The following SEMA3A variants were observed in gnomAD, a reference collection of about 807,000 sequenced individuals.
SEMA3A encodes the protein semaphorin-3A.
In SEMA3A, 29 loss-of-function variants were observed where a neutral mutation model predicts 97.9. The ratio of observed to expected loss-of-function variants is 0.30; its 90% CI spans 0.22 to 0.40. SEMA3A has a LOEUF of 0.40. Among genes scored for constraint, SEMA3A ranks in the 10% least tolerant of loss-of-function variants. The pLI is 1.00. For synonymous variants in SEMA3A, 321 were observed against 323.7 expected (o/e 0.99, Z 0.09); for missense variants, 763 against 951.3 (o/e 0.80, Z 2.60).
intron 1 of SEMA3A, among the ~76,000 whole-genome samples, chr7:84,458,016 C>T (rs1057294440): frequency 6.6e-6 from 1 of 151,978 alleles, no homozygotes; most frequent in African/African-American, 2.4e-5. Flanking sequence ...CTTAGTACTT[C>T]CACTGACCCA....
At chr7:84,130,042 C>A (rs1030941898) in intron 2 of SEMA3A, among the ~76,000 whole-genome samples, 3 of 151,802 alleles carry the variant, frequency 2.0e-5, no homozygotes, top group Admixed American at 6.6e-5. Flanking sequence ...AATATAAAAT[C>A]CCCTGAGCAA....
chr7:84,468,988 A>G lies in SEMA3A; in HGVS notation c.-246+23472T>C, dbSNP rs555270740. On this transcript the variant is annotated intron_variant, in intron 1 of 3. Coordinates refer to the SEMA3A transcript ENST00000424555. ...TTTTTTATTTTATTTCAGGAAAAGT[A>G]AATAAAATGGTGAAAATGTAAAGAA... Among the ~76,000 whole-genome samples, 272 of 152,232 alleles carry G rather than the reference A, an allele frequency of 1.8e-3. 2 individuals carry two copies. The highest frequency in any genetic ancestry group is 1.8e-3 in the Non-Finnish European group (120 of 67,978).
intron 1 of SEMA3A, among the ~76,000 whole-genome samples, chr7:84,439,851 T>C (rs1805230513): frequency 6.6e-6 from 1 of 152,152 alleles, no homozygotes; most frequent in African/African-American, 2.4e-5. Context: ...AAACCAAGAA[T>C]ATATGTATTT....
chr7:84,187,269 T>A (rs966494848), intron 1 of SEMA3A, among the ~76,000 whole-genome samples: 1 of 152,210 alleles, frequency 6.6e-6, no homozygotes, highest in African/African-American at 2.4e-5. Flanking sequence ...AACATTCAGA[T>A]ACAATAAGAC....
chr7:84,014,065 C>A (rs1403570505), intron 7 of SEMA3A, 144 bp downstream of exon 7: 1 of 647,926 alleles, frequency 1.5e-6, no homozygotes, highest in Admixed American at 3.2e-5. Flanking sequence ...CTATAATATT[C>A]AATCATTATT....
chr7:84,221,825 T>C (rs1167455153), intron 3 of SEMA3A, among the ~76,000 whole-genome samples: 3 of 151,908 alleles, frequency 2.0e-5, no homozygotes, highest in Non-Finnish European at 2.9e-5. Flanking sequence ...ATCTAAAAGT[T>C]TGAAATATTG....
intron 1 of SEMA3A, among the ~76,000 whole-genome samples, chr7:84,381,561 A>C (rs1314378332): frequency 6.6e-6 from 1 of 152,134 alleles, no homozygotes; most frequent in African/African-American, 2.4e-5. Flanking sequence ...TTACTAAAGT[A>C]CTCGATTTCT....
chr7:84,133,124 A>C (rs1164730230), intron 2 of SEMA3A, among the ~76,000 whole-genome samples: 1 of 152,212 alleles, frequency 6.6e-6, no homozygotes, highest in Non-Finnish European at 1.5e-5. Context: ...ATAATAGATA[A>C]CAGGCATTTA....
intron 4 of SEMA3A, among the ~76,000 whole-genome samples, chr7:84,081,720 G>A (rs1345802108): frequency 6.6e-6 from 1 of 151,696 alleles, no homozygotes; most frequent in Non-Finnish European, 1.5e-5. Flanking sequence ...ATGGAAATAT[G>A]CAGACATTAA....
intron 3 of SEMA3A, among the ~76,000 whole-genome samples, chr7:84,268,437 A>C (rs150524031): frequency 3.2e-4 from 48 of 152,136 alleles, no homozygotes; most frequent in African/African-American, 1.2e-3. Context: ...AGTAAAGTTC[A>C]CTTGGGCCCA....
At chr7:84,150,676 A>G (rs1223367576) in intron 1 of SEMA3A, among the ~76,000 whole-genome samples, 3 of 152,136 alleles carry the variant, frequency 2.0e-5, no homozygotes, top group Non-Finnish European at 4.4e-5. Flanking sequence ...GGCGCCCGCC[A>G]TTGCCCAGGC....
At chr7:84,250,827 T>G (rs1432809529) in intron 3 of SEMA3A, among the ~76,000 whole-genome samples, 1 of 152,234 alleles carries the variant, frequency 6.6e-6, no homozygotes, top group Non-Finnish European at 1.5e-5. Context: ...TTATGGAATT[T>G]TATTCTGATT....
At chr7:84,420,038 T>C (rs1804544338) in intron 1 of SEMA3A, among the ~76,000 whole-genome samples, 1 of 152,110 alleles carries the variant, frequency 6.6e-6, no homozygotes, top group African/African-American at 2.4e-5. Flanking sequence ...TAAGAAAAGT[T>C]ACTAAATATA....
At chr7:83,990,613 A>G (rs1789872339) in intron 12 of SEMA3A, among the ~76,000 whole-genome samples, 1 of 146,586 alleles carries the variant, frequency 6.8e-6, no homozygotes, top group African/African-American at 2.5e-5. Flanking sequence ...AGGTTTGTCA[A>G]AGATCAGATA....
intron 3 of SEMA3A, among the ~76,000 whole-genome samples, chr7:84,211,621 TAA>T (rs199994006): frequency 2.1e-5 from 3 of 144,392 alleles, no homozygotes; most frequent in Admixed American, 7.0e-5. Context: ...AAACTCCATC[TAA>T]AAAAAAAAAA....
intron 2 of SEMA3A, among the ~76,000 whole-genome samples, chr7:84,336,331 C>T (rs1377497323): frequency 2.0e-5 from 3 of 152,014 alleles, no homozygotes; most frequent in African/African-American, 4.8e-5. Context: ...AGGGGAGGGT[C>T]GGAAACTTAG....
chr7:84,421,621 T>G (rs1456240362), intron 1 of SEMA3A, among the ~76,000 whole-genome samples: 1 of 152,106 alleles, frequency 6.6e-6, no homozygotes, highest in Non-Finnish European at 1.5e-5. Context: ...GCTTCCAGCA[T>G]TTGCTCATTC....
intron 1 of SEMA3A, among the ~76,000 whole-genome samples, chr7:84,166,613 C>T (rs1322729494): frequency 6.6e-6 from 1 of 151,134 alleles, no homozygotes; most frequent in East Asian, 2.0e-4. Context: ...TGGCTCACGC[C>T]TGTAATCCCA....
intron 3 of SEMA3A, among the ~76,000 whole-genome samples, chr7:84,228,625 A>G (rs1799047029): frequency 1.3e-5 from 2 of 152,214 alleles, no homozygotes; most frequent in South Asian, 2.1e-4. Context: ...AAAAACATCA[A>G]TTGAGTCTGA....
Sources: gnomAD v4.1 joint callset for allele counts (sites outside exome capture counted in the v4.1 genomes callset) on GRCh38, gnomAD v4.1.1 for gene constraint, MANE v1.5 for transcripts, NCBI Gene and HGNC (gene_info 2026-07-23, HGNC 2026-07-21) for gene names.